SFMBT1: variants seen among roughly 807,000 people sequenced by gnomAD.
SFMBT1 encodes the protein scm-like with four MBT domains protein 1.
A neutral mutation model predicts 108.7 loss-of-function variants in SFMBT1; 32 were observed. The observed-to-expected ratio is 0.29, with a 90% confidence interval of 0.22 to 0.40. SFMBT1 has a LOEUF of 0.40. Ranked by LOEUF, SFMBT1 falls within the 10% of genes least tolerant of loss-of-function variation. The probability of loss-of-function intolerance (pLI) is 1.00; values close to 1 mark genes in which losing one functional copy is unlikely to be tolerated. For synonymous variants in SFMBT1, 348 were observed against 369.5 expected (o/e 0.94, Z 0.67); for missense variants, 816 against 1,059.6 (o/e 0.77, Z 3.19).
intron 10 of SFMBT1, among the ~76,000 whole-genome samples, chr3:52,924,047 A>G (rs1702590163): frequency 6.6e-6 from 1 of 152,236 alleles, no homozygotes; most frequent in Non-Finnish European, 1.5e-5. Context: ...TGATAGTAAC[A>G]CTAGAAGTTA....
intron 12 of SFMBT1, among the ~76,000 whole-genome samples, 171 bp downstream of exon 12, chr3:52,920,366 C>T (rs1702482336): frequency 6.6e-6 from 1 of 152,202 alleles, no homozygotes; most frequent in Non-Finnish European, 1.5e-5. Context: ...TCCTGACCCA[C>T]AGAAACTGTA....
intron 1 of SFMBT1, among the ~76,000 whole-genome samples, chr3:53,019,957 CCA>C (rs1441303448): frequency 1.3e-5 from 2 of 152,156 alleles, no homozygotes; most frequent in African/African-American, 4.8e-5. Flanking sequence ...TCCTAGTTCA[CCA>C]CAGACTCCAA....
intron 1 of SFMBT1, among the ~76,000 whole-genome samples, chr3:52,986,425 C>T (rs1704917473): frequency 1.3e-5 from 2 of 152,036 alleles, no homozygotes; most frequent in Admixed American, 6.6e-5. Context: ...TTTTGACTTT[C>T]TTGTAATAAC....
intron 1 of SFMBT1, among the ~76,000 whole-genome samples, chr3:53,027,931 C>T (rs1699552704): frequency 6.6e-6 from 1 of 152,190 alleles, no homozygotes. Flanking sequence ...ATAAATAACT[C>T]CCACAAGCTT....
At chr3:52,977,382 G>C (rs950593326) in intron 1 of SFMBT1, among the ~76,000 whole-genome samples, 2 of 151,976 alleles carry the variant, frequency 1.3e-5, no homozygotes. Flanking sequence ...CTAGTGGCGG[G>C]CGCCTGTAAT....
intron 6 of SFMBT1, 81 bp downstream of exon 6, chr3:52,931,981 G>T: frequency 6.9e-7 from 1 of 1,455,628 alleles, no homozygotes; most frequent in South Asian, 1.3e-5. Flanking sequence ...ATAATATGCA[G>T]AATATATTTT....
rs762999401 is a variant in SFMBT1, at chr3:52,998,408, A to G, written c.-130-29150T>C. Among the ~76,000 whole-genome samples, 10 of 150,260 alleles carry G rather than the reference A, an allele frequency of 6.7e-5. 1 individual carries two copies. The highest frequency in any genetic ancestry group is 1.3e-4 in the Non-Finnish European group (9 of 67,034). ...CTCCGTCTCAAAAAAAAGAAAAGAA[A>G]AGAAAAAATGTAGATCAATAATATT... On this transcript the variant is annotated intron_variant, in intron 1 of 20. Transcript: ENST00000394752.
chr3:52,923,697 A>C (rs1007999275), intron 10 of SFMBT1, among the ~76,000 whole-genome samples: 1 of 152,176 alleles, frequency 6.6e-6, no homozygotes, highest in African/African-American at 2.4e-5. Context: ...AAATAAAGCA[A>C]AACGACTAAG....
intron 15 of SFMBT1, 103 bp from the exon 16 acceptor site, chr3:52,912,750 T>G (rs760704619): frequency 3.6e-6 from 3 of 827,712 alleles, no homozygotes; most frequent in Admixed American, 2.2e-5. Flanking sequence ...TTTAGGAGGT[T>G]AAATTCTAGT....
chr3:53,036,306 T>C (rs999395465), intron 1 of SFMBT1, among the ~76,000 whole-genome samples: 9 of 152,224 alleles, frequency 5.9e-5, no homozygotes, highest in African/African-American at 2.2e-4. Context: ...AGGACTCTCA[T>C]TTTATTTTAC....
intron 2 of SFMBT1, among the ~76,000 whole-genome samples, chr3:52,966,850 A>G (rs1400279551): frequency 1.3e-5 from 2 of 151,530 alleles, no homozygotes; most frequent in Non-Finnish European, 2.9e-5. Context: ...AAATATGTAG[A>G]GAAAATATTT....
chr3:53,032,793 T>A (rs1699731395), intron 1 of SFMBT1, among the ~76,000 whole-genome samples: 1 of 152,108 alleles, frequency 6.6e-6, no homozygotes, highest in Admixed American at 6.6e-5. Flanking sequence ...GAACAAACAA[T>A]CACAATTGTA....
chr3:52,990,649 G>C (rs1705087359), intron 1 of SFMBT1, among the ~76,000 whole-genome samples: 2 of 151,910 alleles, frequency 1.3e-5, no homozygotes, highest in African/African-American at 4.8e-5. Context: ...AAAACATCAA[G>C]AAAAAGTTGA....
intron 1 of SFMBT1, among the ~76,000 whole-genome samples, chr3:52,979,238 CAGA>C (rs972004107): frequency 6.6e-6 from 1 of 151,586 alleles, no homozygotes; most frequent in African/African-American, 2.4e-5. Context: ...GGATATGCAA[CAGA>C]AGGAGAAAGA....
chr3:52,998,315 C>CAAG (rs1336808152), intron 1 of SFMBT1, among the ~76,000 whole-genome samples: 8 of 150,050 alleles, frequency 5.3e-5, no homozygotes, highest in Non-Finnish European at 9.0e-5. Flanking sequence ...TGGCATGAAC[C>CAAG]CAGGAGGTGA....
rs57308874 is a variant in SFMBT1, at chr3:52,984,726, CTGTGTGTGTGTGTG to C, written c.-130-15482_-130-15469del. ...TATATACTGAATACTATACTAAATACTGTGTGTGTGTGTGTGTGTGTGTGTGTGTGTGTGTGTGT... is the reference window on the plus strand; with the variant it reads ...TATATACTGAATACTATACTAAATACTGTGTGTGTGTGTGTGTGTGTGTGT... On this transcript the variant is annotated intron_variant, in intron 1 of 20. Coordinates refer to ENST00000394752, the MANE Select transcript of SFMBT1 (RefSeq NM_016329.4). Among the ~76,000 whole-genome samples the C allele has an allele frequency of 1.7e-3, 235 of 140,242 alleles. 1 individual carries two copies. The highest frequency in any genetic ancestry group is 2.5e-3 in the Non-Finnish European group (164 of 65,498). 92.0% of individuals were successfully genotyped at this position (140,242 alleles called of 152,430 possible).
At chr3:52,927,778 A>G (rs1374586257) in intron 9 of SFMBT1, among the ~76,000 whole-genome samples, 2 of 152,206 alleles carry the variant, frequency 1.3e-5, no homozygotes, top group African/African-American at 4.8e-5. Flanking sequence ...AAAGATAATC[A>G]GTAATCTACC....
intron 1 of SFMBT1, among the ~76,000 whole-genome samples, chr3:52,977,738 T>C (rs1199501107): frequency 6.6e-6 from 1 of 152,218 alleles, no homozygotes; most frequent in East Asian, 1.9e-4. Flanking sequence ...CGTATTTCTA[T>C]AGGCACACAT....
rs781455205 is a variant in SFMBT1 at position 52,905,002 on chromosome 3, C to T, written c.*134G>A. On this transcript the variant is annotated 3_prime_UTR_variant, in exon 21 of 21. Coordinates refer to ENST00000394752, the MANE Select transcript of SFMBT1 (RefSeq NM_016329.4). ...TTCCTCACTGTGAGTCCTCCTTCCC[C>T]GAAAGTGCAAAGAGAGCAAGCTGAT... The T allele has an allele frequency of 1.2e-5, 15 of 1,249,208 alleles. No homozygotes were observed. Among genetic ancestry groups the T allele is most frequent in the Admixed American group, 8.2e-5 (3 of 36,420 alleles). 77.4% of individuals were successfully genotyped at this position (1,249,208 alleles called of 1,614,324 possible).
Sources: gnomAD v4.1 joint callset for allele counts (sites outside exome capture counted in the v4.1 genomes callset) on GRCh38, gnomAD v4.1.1 for gene constraint, MANE v1.5 for transcripts, NCBI Gene and HGNC (gene_info 2026-07-23, HGNC 2026-07-21) for gene names.